TNFSF14: variants seen among roughly 807,000 people sequenced by gnomAD.
The protein encoded by TNFSF14 is tumor necrosis factor ligand superfamily member 14.
A neutral mutation model predicts 22.7 loss-of-function variants in TNFSF14; 15 were observed. The ratio of observed to expected loss-of-function variants is 0.66; its 90% CI spans 0.44 to 1.02. The LOEUF (loss-of-function observed/expected upper bound fraction) is 1.02. Among genes scored for constraint, TNFSF14 ranks in the 50% least tolerant of loss-of-function variants. The pLI, the probability that TNFSF14 is intolerant of heterozygous loss-of-function variation, is 0.00. For missense variants in TNFSF14, 287 were observed against 326.2 expected, an observed-to-expected ratio of 0.88 and a Z score of 0.93; for synonymous variants, 133 against 139.6, an observed-to-expected ratio of 0.95 and a Z score of 0.33.
In TNFSF14 at chr19:6,667,151, C is replaced by A; in HGVS notation, c.260G>T (p.Arg87Leu). The change falls in exon 3 of 4, where the codon CGA (arginine) becomes CTA (leucine). Residue 87 changes from arginine to leucine, a missense_variant. By Grantham distance (102) the Arg-to-Leu change is moderately radical. Transcript: ENST00000675206. ...AGSWEQLIQE[R>L]RSHEVNPAAH... ...TGCTGGGTTGACCTCGTGAGACCTT[C>A]GCTCTGGGGAAAGAGGGTCAGAGGT... 1 of 1,590,290 alleles carries A rather than the reference C, an allele frequency of 6.3e-7. No individual in the cohort carries two copies.
At chr19:6,669,586 AC>A (rs893229351) in intron 1 of TNFSF14, among the ~76,000 whole-genome samples, 55 of 152,212 alleles carry the variant, frequency 3.6e-4, no homozygotes, top group Admixed American at 1.0e-3. Context: ...ATCGTCTGGT[AC>A]TACACATGCC....
At position 6,670,088 on chromosome 19, in the gene TNFSF14, A is replaced by G; in HGVS notation, c.-19T>C. On this transcript the variant is annotated 5_prime_UTR_variant, in exon 1 of 4. Transcript: ENST00000675206. ...CCTCCATGCCCAAGGTGTCTGGAGC[A>G]GGGCTGACACGCCTGGGTCCTTCAA... 6.2e-7 allele frequency: 1 copy of G among 1,610,030 alleles called. No homozygotes were observed. Among genetic ancestry groups the G allele is most frequent in the East Asian group, 2.2e-5 (1 of 44,758 alleles).
intron 1 of TNFSF14, 39 bp downstream of exon 1, chr19:6,669,812 C>T: frequency 1.2e-6 from 2 of 1,602,146 alleles, no homozygotes; most frequent in Admixed American, 1.7e-5. Flanking sequence ...GGGAGCCCCC[C>T]TCACCTCCAC....
chr19:6,668,732 G>A (rs915056695), intron 1 of TNFSF14, among the ~76,000 whole-genome samples: 1 of 152,060 alleles, frequency 6.6e-6, no homozygotes, highest in Non-Finnish European at 1.5e-5. Context: ...TGCAGACAGC[G>A]AGATGGCTGG....
At chr19:6,669,737 T>TACACACACACACACACACACAC in intron 1 of TNFSF14, 114 bp downstream of exon 1, 2 of 1,230,922 alleles carry the variant, frequency 1.6e-6, no homozygotes, top group Non-Finnish European at 2.2e-6. Context: ...TGCCCTGTCC[T>TACACACACACACACACACACAC]ACACACACAC....
At chr19:6,669,107 A>C (rs1187999020) in intron 1 of TNFSF14, among the ~76,000 whole-genome samples, 1 of 152,240 alleles carries the variant, frequency 6.6e-6, no homozygotes, top group Non-Finnish European at 1.5e-5. Context: ...GGACACATCC[A>C]CAGCCAGCTG....
chr19:6,664,977 C>T lies in TNFSF14; in HGVS notation c.672G>A (p.Leu224=). The part of the protein sequence containing the change: ...KVVVRVLDER[L]VRLRDGTRSY... ...ACCGGGTACCATCACGCAGTCGAAC[C>T]AGGCGTTCATCCAGCACACGGACGA... The change falls in exon 4 of 4, where the codon CTG becomes CTA. Residue 224 remains leucine (L), a synonymous_variant. Transcript: ENST00000675206. This position sits in a 1 kb window ranked among gnomAD's most constrained non-coding sequence, Gnocchi z 4.7. The T allele has an allele frequency of 1.2e-6, 2 of 1,611,780 alleles. No individual in the cohort carries two copies. Among genetic ancestry groups the T allele is most frequent in the Non-Finnish European group, 1.7e-6 (2 of 1,178,254 alleles).
At chr19:6,669,108 C>T (rs1437802197) in intron 1 of TNFSF14, among the ~76,000 whole-genome samples, 1 of 152,220 alleles carries the variant, frequency 6.6e-6, no homozygotes, top group African/African-American at 2.4e-5. Context: ...GACACATCCA[C>T]AGCCAGCTGG....
Position 6,665,262 on chromosome 19 carries a change from G to A in TNFSF14, c.387C>T (p.His129=), listed in dbSNP as rs147375196. 1.1e-5 allele frequency: 18 copies of A among 1,613,794 alleles called. 1 individual carries two copies. The East Asian group carries it at 1.8e-4, about 16-fold the overall frequency. The change falls in exon 4 of 4, where the codon CAC becomes CAT. Residue 129 remains histidine (H), a synonymous_variant. Coordinates refer to ENST00000675206, the MANE Select transcript of TNFSF14 (RefSeq NM_001376887.1). ...CTTTGGTGACCACAAGGGCCCCATC[G>A]TGGTAGCTGAGGCCCCTCAGGAAGG... ...GLAFLRGLSY[H]DGALVVTKAG...
rs1206083818 is a variant in TNFSF14 at position 6,667,406 on chromosome 19, G to A, written c.256+7C>T. 2 of 1,543,134 alleles carry A rather than the reference G, an allele frequency of 1.3e-6. No homozygotes were observed. The highest frequency in any genetic ancestry group is 1.7e-6 in the Non-Finnish European group (2 of 1,153,354). On this transcript the variant is annotated splice_region_variant and intron_variant, in intron 2 of 3. Coordinates refer to ENST00000675206, the MANE Select transcript of TNFSF14 (RefSeq NM_001376887.1). The stretch of plus-strand genomic sequence containing the variant: ...CCTCCTTCCCTGGGGCCAGGACCCT[G>A]ACTCACCTTGTATCAGCTGCTCCCA...
intron 1 of TNFSF14, among the ~76,000 whole-genome samples, chr19:6,669,210 G>A (rs1409788673): frequency 1.3e-5 from 2 of 152,180 alleles, no homozygotes; most frequent in African/African-American, 4.8e-5. Flanking sequence ...AAGGCCAGGC[G>A]CAGTGGCTCA....
Position 6,667,370 on chromosome 19 carries a change from G to C in TNFSF14, c.256+43C>G, listed in dbSNP as rs369562214. 2.0e-6 allele frequency: 3 copies of C among 1,514,414 alleles called. No individual in the cohort carries two copies. In the African/African-American group the frequency reaches 4.3e-5, roughly 22 times the overall value. The allele number at this position is 1,514,414 out of a possible 1,614,324, so 93.8% of individuals were successfully genotyped here. A position where few individuals can be genotyped will look rare whatever the true frequency, so the allele number is the denominator to read the frequency against. On this transcript the variant is annotated intron_variant, in intron 2 of 3. Coordinates refer to ENST00000675206, the MANE Select transcript of TNFSF14 (RefSeq NM_001376887.1). The stretch of plus-strand genomic sequence containing the variant: ...TGACCGAGGGGTGGGGGTGGCATGG[G>C]AATCATCACACCTCCTTCCCTGGGG...
Position 6,665,291 on chromosome 19 carries a change from G to T in TNFSF14, c.358C>A (p.Leu120Met). 6.2e-7 allele frequency: 1 copy of T among 1,612,342 alleles called. No individual in the cohort carries two copies. Residue 120 changes from leucine to methionine, a missense_variant, in exon 4 of 4, where the codon CTG becomes ATG. Physicochemically the swap from Leu to Met is conservative, Grantham distance 15. Coordinates refer to ENST00000675206, the MANE Select transcript of TNFSF14 (RefSeq NM_001376887.1). ...TAGCTGAGGCCCCTCAGGAAGGCCA[G>T]GCCCAGCTGAGTCTCCCATAACAGC... ...GPLLWETQLG[L>M]AFLRGLSYHD...
At chr19:6,669,766 A>G in intron 1 of TNFSF14, 85 bp downstream of exon 1, 2 of 1,555,128 alleles carry the variant, frequency 1.3e-6, no homozygotes, top group Non-Finnish European at 1.7e-6. Context: ...ACACACACAC[A>G]CACACACAGA....
In TNFSF14 at chr19:6,664,516, T is replaced by G; in HGVS notation, c.*410A>C. The G allele has an allele frequency of 6.3e-6, 1 of 159,434 alleles. No individual in the cohort carries two copies. Among genetic ancestry groups the G allele is most frequent in the Non-Finnish European group, 1.4e-5 (1 of 72,102 alleles). The allele number at this position is 159,434 out of a possible 1,614,324, so 9.9% of individuals were successfully genotyped here. A position where few individuals can be genotyped will look rare whatever the true frequency, so the allele number is the denominator to read the frequency against. On this transcript the variant is annotated 3_prime_UTR_variant, in exon 4 of 4. Coordinates refer to ENST00000675206, the MANE Select transcript of TNFSF14 (RefSeq NM_001376887.1). This position sits in a 1 kb window ranked among gnomAD's most constrained non-coding sequence, Gnocchi z 4.7. ...GGGTTCCCTGGAGTGTCCCCCAAGA[T>G]CTGTTTCCTGAGTTTTCTTTTTTCT...
rs1347399304 is a variant in TNFSF14 at position 6,661,384 on chromosome 19, T to G, written c.*3542A>C. ...TTAGAAGGGGAAGAGGGAGCCGAGC[T>G]GAAGCAATTTTACAGAAGCAAAACA... is the stretch of plus-strand genomic sequence containing the variant. On this transcript the variant is annotated 3_prime_UTR_variant, in exon 4 of 4. Coordinates refer to ENST00000675206, the MANE Select transcript of TNFSF14 (RefSeq NM_001376887.1). 6.6e-6 allele frequency: 1 copy of G among 152,288 alleles called. No individual in the cohort carries two copies. Among genetic ancestry groups the G allele is most frequent in the Non-Finnish European group, 1.5e-5 (1 of 68,046 alleles). The allele number at this position is 152,288 out of a possible 1,614,324, so 9.4% of individuals were successfully genotyped here. A position where few individuals can be genotyped will look rare whatever the true frequency, so the allele number is the denominator to read the frequency against.
In TNFSF14 at chr19:6,670,154, G is replaced by T; in HGVS notation, c.-85C>A. 1 of 1,546,476 alleles carries T rather than the reference G, an allele frequency of 6.5e-7. No homozygotes were observed. Among genetic ancestry groups the T allele is most frequent in the Non-Finnish European group, 8.8e-7 (1 of 1,141,072 alleles). ...AAATTGCTCAACACTCCTGGGCTGT[G>T]CACGCTGCGGACAGGCACCCGTGGG... On this transcript the variant is annotated 5_prime_UTR_variant, in exon 1 of 4. Transcript: ENST00000675206.
At chr19:6,666,396 CAAA>C (rs5826941) in intron 3 of TNFSF14, among the ~76,000 whole-genome samples, 4 of 128,128 alleles carry the variant, frequency 3.1e-5, no homozygotes, top group Admixed American at 8.2e-5. Context: ...GACCCTGTCT[CAAA>C]AAAAAAAAAA....
In TNFSF14 at chr19:6,665,080, G is replaced by C. The variant is rs747086928; in HGVS notation, c.569C>G (p.Ala190Gly). 1.9e-6 allele frequency: 3 copies of C among 1,614,034 alleles called. No individual in the cohort carries two copies. The highest frequency in any genetic ancestry group is 2.5e-6 in the Non-Finnish European group (3 of 1,179,934). ...LVSQQSPCGRATSSSRVWWDS... is the reference protein window; with the variant it reads ...LVSQQSPCGRGTSSSRVWWDS... ...CCACCAGACCCGGGAGCTGCTGGTG[G>C]CCCGTCCGCAGGGTGACTGCTGGCT... The change falls in exon 4 of 4, where the codon GCC (alanine) becomes GGC (glycine). Residue 190 changes from alanine to glycine, a missense_variant. Ala to Gly is a moderately conservative substitution (Grantham distance 60). Coordinates refer to ENST00000675206, the MANE Select transcript of TNFSF14 (RefSeq NM_001376887.1).
Sources: gnomAD v4.1 joint callset for allele counts (sites outside exome capture counted in the v4.1 genomes callset) on GRCh38, gnomAD v4.1.1 for gene constraint, Gnocchi (gnomAD v3.1) non-coding constraint, MANE v1.5 for transcripts, NCBI Gene and HGNC (gene_info 2026-07-23, HGNC 2026-07-21) for gene names.